CAMTA1: variants seen among roughly 807,000 people sequenced by gnomAD.
CAMTA1 encodes calmodulin binding transcription activator 1, also known as calmodulin-binding transcription activator 1.
CAMTA1 carries 27 observed loss-of-function variants against 170.9 expected under a neutral mutation model. The ratio of observed to expected loss-of-function variants is 0.16; its 90% confidence interval spans 0.12 to 0.22. The LOEUF is 0.22. CAMTA1 is among the 10% of genes least tolerant of loss of function. The pLI, the probability that CAMTA1 is intolerant of heterozygous loss-of-function variation, is 1.00. For missense variants in CAMTA1, 1,619 were observed against 2,217.2 expected, an observed-to-expected ratio of 0.73 and a Z score of 5.42; for synonymous variants, 833 against 891.5, an observed-to-expected ratio of 0.93 and a Z score of 1.17.
rs1183419889 is a variant in CAMTA1 at position 7,663,846 on chromosome 1, G to A, written c.1299G>A (p.Leu433=). 2 of 1,613,946 alleles carry A rather than the reference G, an allele frequency of 1.2e-6. No individual in the cohort carries two copies. Among genetic ancestry groups the A allele is most frequent in the African/African-American group, 1.3e-5 (1 of 74,922 alleles). Reference sequence around the variant, plus strand: ...CTGACGCCTCTCAGGGCCTCGTCCTGGCCGTGAGCTCTGATGGCCACAAGT... The same window carrying A: ...CTGACGCCTCTCAGGGCCTCGTCCTAGCCGTGAGCTCTGATGGCCACAAGT... The part of the protein sequence containing the change: ...LSPDASQGLV[L]AVSSDGHKFA... The change falls in exon 9 of 23, where the codon CTG becomes CTA. Residue 433 remains leucine (L), a synonymous_variant. Coordinates refer to ENST00000303635, the MANE Select transcript of CAMTA1 (RefSeq NM_015215.4).
Position 7,010,315 on chromosome 1 carries a change from C to T in CAMTA1, c.235-80989C>T, listed in dbSNP as rs950595202. The stretch of plus-strand genomic sequence containing the variant: ...GCCCCCTCACTCGGCGTCCAGTGCT[C>T]AGGCCTCTGGGCTCTCTCTGGCCCT... On this transcript the variant is annotated intron_variant, in intron 3 of 22. Coordinates refer to ENST00000303635, the MANE Select transcript of CAMTA1 (RefSeq NM_015215.4). The surrounding 1 kb of genome is among the most constrained non-coding windows in gnomAD (Gnocchi z 4.4). 1.3e-5 allele frequency among the ~76,000 whole-genome samples: 2 copies of T among 152,166 alleles called. No homozygotes were observed. Among genetic ancestry groups the T allele is most frequent in the Non-Finnish European group, 1.5e-5 (1 of 68,028 alleles).
chr1:7,276,511 A>G (rs1204593027), intron 5 of CAMTA1, among the ~76,000 whole-genome samples: 1 of 151,124 alleles, frequency 6.6e-6, no homozygotes, highest in Non-Finnish European at 1.5e-5. Context: ...GGATTTCACC[A>G]TGTTAGCCAG....
At chr1:7,610,472 C>G (rs1052059898) in intron 6 of CAMTA1, among the ~76,000 whole-genome samples, 6 of 152,220 alleles carry the variant, frequency 3.9e-5, no homozygotes, top group Non-Finnish European at 8.8e-5. Flanking sequence ...CAATCAGCCC[C>G]GTGACCCTCC....
At chr1:7,505,735 C>G (rs918065286) in intron 6 of CAMTA1, among the ~76,000 whole-genome samples, 1 of 152,228 alleles carries the variant, frequency 6.6e-6, no homozygotes, top group African/African-American at 2.4e-5. Flanking sequence ...TCGGGTGGCA[C>G]AGGGGGACAC....
intron 5 of CAMTA1, among the ~76,000 whole-genome samples, chr1:7,372,015 C>T (rs1240079595): frequency 6.6e-6 from 1 of 152,162 alleles, no homozygotes; most frequent in Non-Finnish European, 1.5e-5. Flanking sequence ...CTGGGCTGAG[C>T]GTGCACCTCT....
intron 5 of CAMTA1, among the ~76,000 whole-genome samples, chr1:7,304,826 G>C (rs1675335418): frequency 6.6e-6 from 1 of 151,264 alleles, no homozygotes. Flanking sequence ...ACTTGATTTT[G>C]CTTTTTAATA....
rs1423223727 is a variant in CAMTA1, at chr1:7,050,302, A to G, written c.235-41002A>G. Among the ~76,000 whole-genome samples, 1 of 151,958 alleles carries G rather than the reference A, an allele frequency of 6.6e-6. No individual in the cohort carries two copies. Among genetic ancestry groups the G allele is most frequent in the Admixed American group, 6.6e-5 (1 of 15,260 alleles). On this transcript the variant is annotated intron_variant, in intron 3 of 22. Transcript: ENST00000303635. The surrounding 1 kb of genome is among the most constrained non-coding windows in gnomAD (Gnocchi z 4.8). ...TCCTGGGGAGATGGGGCAGGAAGAG[A>G]GTCTGTAGATAATAAGCTGCCTGCA...
chr1:7,703,659 G>A (rs1274962389), intron 11 of CAMTA1, among the ~76,000 whole-genome samples: 1 of 152,162 alleles, frequency 6.6e-6, no homozygotes, highest in African/African-American at 2.4e-5. Context: ...AGACATGGCC[G>A]ATTTTACAGA....
chr1:7,742,241 A>G (rs2096824324), intron 16 of CAMTA1, among the ~76,000 whole-genome samples: 1 of 151,932 alleles, frequency 6.6e-6, no homozygotes, highest in South Asian at 2.1e-4. Flanking sequence ...ATACAAAGAA[A>G]TGTGGACCCA....
chr1:6,869,147 A>T (rs1050218036), intron 3 of CAMTA1, among the ~76,000 whole-genome samples: 2 of 152,218 alleles, frequency 1.3e-5, no homozygotes, highest in African/African-American at 4.8e-5. Context: ...ATTCATAGTC[A>T]TGAGCTGACT....
At chr1:7,718,591 CT>C (rs1470769133) in intron 11 of CAMTA1, among the ~76,000 whole-genome samples, 1 of 141,388 alleles carries the variant, frequency 7.1e-6, no homozygotes, top group Non-Finnish European at 1.5e-5. Flanking sequence ...GGGTCTCGCT[CT>C]GTCACCCAGG....
At chr1:7,548,468 A>G (rs12038985) in intron 6 of CAMTA1, among the ~76,000 whole-genome samples, 1,017 of 39,344 alleles carry the variant, frequency 0.026, 7 homozygotes, top group Middle Eastern at 0.11. Context: ...CCCCCTTAGG[A>G]GTGGAGGTGC....
chr1:6,893,627 T>G (rs1352085327), intron 3 of CAMTA1, among the ~76,000 whole-genome samples: 3 of 152,224 alleles, frequency 2.0e-5, no homozygotes, highest in African/African-American at 7.2e-5. Flanking sequence ...TTTCATAGGC[T>G]TATGTTCCAT....
chr1:6,990,949 A>G (rs1359890399), intron 3 of CAMTA1, among the ~76,000 whole-genome samples: 2 of 151,940 alleles, frequency 1.3e-5, no homozygotes, highest in Non-Finnish European at 2.9e-5. Context: ...TGACCGGAGG[A>G]GTGTATATTG....
intron 5 of CAMTA1, among the ~76,000 whole-genome samples, chr1:7,368,668 T>C (rs1038505306): frequency 1.3e-5 from 2 of 152,212 alleles, no homozygotes; most frequent in Non-Finnish European, 2.9e-5. Context: ...TCTTCTTTTC[T>C]CGTCTGCCCT....
rs543208990 is a variant in CAMTA1 at position 7,662,000 on chromosome 1, G to A, written c.805+134G>A. On this transcript the variant is annotated intron_variant, in intron 8 of 22. Transcript: ENST00000303635. ...GGAGGGGGACAGTCAGGGACTGGGC[G>A]ACACCACCGCACCCAGCACAGACAC... 118 of 1,075,080 alleles carry A rather than the reference G, an allele frequency of 1.1e-4. No individual in the cohort carries two copies. The Middle Eastern group carries it at 1.2e-3, about 11-fold the overall frequency. The allele number at this position is 1,075,080 out of a possible 1,614,324, so 66.6% of individuals were successfully genotyped here.
chr1:6,966,562 G>A (rs928949320), intron 3 of CAMTA1, among the ~76,000 whole-genome samples: 10 of 147,932 alleles, frequency 6.8e-5, no homozygotes, highest in Admixed American at 2.7e-4. Flanking sequence ...GAACAGATAC[G>A]TTCTATTTAT....
intron 3 of CAMTA1, among the ~76,000 whole-genome samples, chr1:7,023,297 A>C (rs1036676121): frequency 6.6e-6 from 1 of 152,232 alleles, no homozygotes; most frequent in African/African-American, 2.4e-5. Flanking sequence ...GTCAGATGTA[A>C]GCGTAAAACT....
At chr1:7,238,521 C>T (rs1664297974) in intron 4 of CAMTA1, among the ~76,000 whole-genome samples, 1 of 152,234 alleles carries the variant, frequency 6.6e-6, no homozygotes, top group Non-Finnish European at 1.5e-5. Context: ...CTTCATGGCT[C>T]CTTCCCAGGG....
Sources: allele counts gnomAD v4.1 joint callset (sites outside exome capture counted in the v4.1 genomes callset), GRCh38; gene constraint gnomAD v4.1.1; non-coding constraint Gnocchi (gnomAD v3.1); transcripts MANE v1.5; gene names NCBI Gene and HGNC (gene_info 2026-07-23, HGNC 2026-07-21).